The following FBXO11 variants were observed in gnomAD, a reference collection of about 807,000 sequenced individuals.
The protein encoded by FBXO11 is F-box only protein 11.
In FBXO11, 13 loss-of-function variants were observed where a neutral mutation model predicts 117.0. The ratio of observed to expected loss-of-function variants is 0.11; its 90% CI spans 0.07 to 0.18. The LOEUF (loss-of-function observed/expected upper bound fraction) is 0.18, where lower values mean the gene tolerates loss of function less well. FBXO11 is among the 10% of genes least tolerant of loss of function. FBXO11 has a pLI of 1.00. For missense variants in FBXO11, 767 were observed against 1,164.4 expected, an observed-to-expected ratio of 0.66 and a Z score of 4.97; for synonymous variants, 490 against 380.5, an observed-to-expected ratio of 1.29 and a Z score of -3.35.
At chr2:47,898,627 T>C (rs755106587) in intron 1 of FBXO11, among the ~76,000 whole-genome samples, 14 of 152,246 alleles carry the variant, frequency 9.2e-5, no homozygotes, top group Non-Finnish European at 1.8e-4. Flanking sequence ...GAGTCTCATC[T>C]TGAGACAAAT....
Position 47,905,612 on chromosome 2 carries a change from G to T in FBXO11, c.109C>A (p.Gln37Lys), listed in dbSNP as rs1381374674. The T allele has an allele frequency of 7.3e-7, 1 of 1,364,974 alleles. No individual in the cohort carries two copies. The highest frequency in any genetic ancestry group is 9.5e-7 in the Non-Finnish European group (1 of 1,057,068). The allele number at this position is 1,364,974 out of a possible 1,614,324, so 84.6% of individuals were successfully genotyped here. Residue 37 changes from glutamine to lysine, a missense_variant, in exon 1 of 23, where the codon CAG (glutamine) becomes AAG (lysine). This residue lies in a region of FBXO11 where 355 missense variants were observed against 299.8 expected (regional missense o/e 1.18). Transcript: ENST00000403359. ...PPQQPPPQPP[Q>K]QQPPQQQPPP... ...GGCTGCTGCTGGGGCGGCTGCTGCT[G>T]GGGCGGCTGCGGCGGCGGCTGCTGC...
intron 1 of FBXO11, among the ~76,000 whole-genome samples, chr2:47,884,155 G>A (rs1198946455): frequency 6.6e-6 from 1 of 152,140 alleles, no homozygotes; most frequent in Non-Finnish European, 1.5e-5. Context: ...GGAGGCAGAG[G>A]TTTCAGTGAG....
intron 1 of FBXO11, among the ~76,000 whole-genome samples, chr2:47,864,477 C>A (rs1675042975): frequency 1.3e-5 from 2 of 151,886 alleles, no homozygotes; most frequent in African/African-American, 4.8e-5. Flanking sequence ...ATCTCAGCTA[C>A]TCGGGAGGCT....
In FBXO11 at chr2:47,845,139, G is replaced by C. The variant is rs191227668; in HGVS notation, c.233-5370C>G. On this transcript the variant is annotated intron_variant, in intron 1 of 22. Coordinates refer to ENST00000403359, the MANE Select transcript of FBXO11 (RefSeq NM_001190274.2). ...AAAATCTGTGGACCTTATTACTACAGACACCCACCCACCCCACCCTGGAAT... is the reference window on the plus strand; with the variant it reads ...AAAATCTGTGGACCTTATTACTACACACACCCACCCACCCCACCCTGGAAT... 4.2e-3 allele frequency among the ~76,000 whole-genome samples: 636 copies of C among 151,856 alleles called. 4 individuals carry two copies. Among genetic ancestry groups the C allele is most frequent in the Middle Eastern group, 0.014 (4 of 294 alleles).
intron 11 of FBXO11, among the ~76,000 whole-genome samples, chr2:47,828,885 G>A (rs1156303354): frequency 1.3e-5 from 2 of 152,158 alleles, no homozygotes; most frequent in Non-Finnish European, 2.9e-5. Context: ...TAACTAAAGT[G>A]ATGAAATCTA....
At chr2:47,881,317 T>G (rs140954148) in intron 1 of FBXO11, among the ~76,000 whole-genome samples, 1 of 152,328 alleles carries the variant, frequency 6.6e-6, no homozygotes, top group African/African-American at 2.4e-5. Flanking sequence ...TATGTGGTTA[T>G]ATAAGAATTT....
intron 11 of FBXO11, among the ~76,000 whole-genome samples, chr2:47,827,448 T>G (rs1377382917): frequency 6.6e-6 from 1 of 151,512 alleles, no homozygotes; most frequent in East Asian, 2.0e-4. Flanking sequence ...CTGGGACTTT[T>G]GGTGTGAGCC....
At chr2:47,854,895 T>C (rs1674160715) in intron 1 of FBXO11, among the ~76,000 whole-genome samples, 1 of 151,680 alleles carries the variant, frequency 6.6e-6, no homozygotes, top group South Asian at 2.1e-4. Flanking sequence ...TTTCAATTAC[T>C]GTTGTAACAT....
At chr2:47,851,532 A>G (rs1673859138) in intron 1 of FBXO11, among the ~76,000 whole-genome samples, 1 of 151,924 alleles carries the variant, frequency 6.6e-6, no homozygotes, top group Non-Finnish European at 1.5e-5. Flanking sequence ...TGGCCTATTA[A>G]TTTTCATCTG....
chr2:47,871,633 T>C (rs1234659929), intron 1 of FBXO11, among the ~76,000 whole-genome samples: 2 of 152,206 alleles, frequency 1.3e-5, no homozygotes, highest in Non-Finnish European at 2.9e-5. Flanking sequence ...ATAAACCGCC[T>C]ATTTAGAACC....
chr2:47,838,866 T>C lies in FBXO11; in HGVS notation c.580A>G (p.Ile194Val), dbSNP rs779065051. 1.2e-6 allele frequency: 2 copies of C among 1,613,456 alleles called. No homozygotes were observed. The highest frequency in any genetic ancestry group is 1.7e-6 in the Non-Finnish European group (2 of 1,179,656). Reference sequence around the variant, plus strand: ...GAATAGGTTTTTACTTACCACAAAATTGGATCATTAGCAAGTTCACTGAAG... The same window carrying C: ...GAATAGGTTTTTACTTACCACAAAACTGGATCATTAGCAAGTTCACTGAAG... ...KRFSELANDP[I>V]LWKRLYMEVF... is the part of the protein sequence containing the mutation. The change falls in exon 4 of 23, where the codon ATT (isoleucine) becomes GTT (valine). Residue 194 changes from isoleucine to valine, a missense_variant. Ile to Val is a conservative substitution (Grantham distance 29). Transcript: ENST00000403359.
intron 1 of FBXO11, among the ~76,000 whole-genome samples, chr2:47,853,824 C>T (rs1674068102): frequency 1.3e-5 from 2 of 152,148 alleles, no homozygotes; most frequent in South Asian, 4.1e-4. Flanking sequence ...AAATGTATTT[C>T]AAATTCCACC....
intron 1 of FBXO11, among the ~76,000 whole-genome samples, chr2:47,904,566 ACGCGCG>A (rs1255813395): frequency 2.1e-5 from 3 of 144,846 alleles, no homozygotes; most frequent in African/African-American, 7.7e-5. Context: ...CAACACACAC[ACGCGCG>A]CGCGCGCAAA....
At chr2:47,827,431 C>G (rs889973395) in intron 11 of FBXO11, among the ~76,000 whole-genome samples, 7 of 151,398 alleles carry the variant, frequency 4.6e-5, no homozygotes, top group African/African-American at 1.7e-4. Flanking sequence ...CTCAGCCTCC[C>G]GAGGAGCTGG....
Position 47,905,528 on chromosome 2 carries a change from G to C in FBXO11, c.193C>G (p.Pro65Ala). Residue 65 changes from proline to alanine, a missense_variant, in exon 1 of 23, where the codon CCG becomes GCG. Physicochemically the swap from Pro to Ala is conservative, Grantham distance 27. Transcript: ENST00000403359. ...QQPPPPPPPP[P>A]PLPQERNNVG... ...TTGTTCCGCTCCTGAGGCAGCGGCG[G>C]AGGCGGCGGTGGCGGCGGCGGAGGC... is the stretch of plus-strand genomic sequence containing the variant. The C allele has an allele frequency of 4.0e-6, 5 of 1,236,356 alleles. No homozygotes were observed. Among genetic ancestry groups the C allele is most frequent in the Non-Finnish European group, 5.0e-6 (5 of 992,308 alleles). 76.6% of individuals were successfully genotyped at this position (1,236,356 alleles called of 1,614,324 possible).
intron 1 of FBXO11, among the ~76,000 whole-genome samples, chr2:47,887,330 G>A (rs1572907519): frequency 1.3e-5 from 2 of 150,506 alleles, no homozygotes; most frequent in East Asian, 2.0e-4. Flanking sequence ...ACCCTATCTC[G>A]AATTTTTTTT....
chr2:47,870,235 T>G (rs1403320498), intron 1 of FBXO11, among the ~76,000 whole-genome samples: 1 of 152,346 alleles, frequency 6.6e-6, no homozygotes, highest in Non-Finnish European at 1.5e-5. Flanking sequence ...TTAGTGTTAT[T>G]GCTACTTACC....
chr2:47,892,638 C>G (rs1031666656), intron 1 of FBXO11, among the ~76,000 whole-genome samples: 1 of 152,298 alleles, frequency 6.6e-6, no homozygotes, highest in South Asian at 2.1e-4. Context: ...ATTAAACATG[C>G]TTATGAGGAA....
At chr2:47,848,001 G>A (rs1673551218) in intron 1 of FBXO11, among the ~76,000 whole-genome samples, 1 of 151,902 alleles carries the variant, frequency 6.6e-6, no homozygotes, top group African/African-American at 2.4e-5. Context: ...ACGGGTGCTT[G>A]TAGTCCCAGC....
Sources: gnomAD v4.1 joint callset for allele counts (sites outside exome capture counted in the v4.1 genomes callset) on GRCh38, gnomAD v4.1.1 for gene constraint, gnomAD v4.1.1 regional missense constraint, MANE v1.5 for transcripts, NCBI Gene and HGNC (gene_info 2026-07-23, HGNC 2026-07-21) for gene names.